The following NRP2 variants were observed in gnomAD, a reference collection of about 807,000 sequenced individuals.
The protein encoded by NRP2 is neuropilin 2, also known as neuropilin-2.
NRP2 carries 52 observed loss-of-function variants against 110.4 expected under a neutral mutation model. That is an observed-to-expected ratio of 0.47 (90% CI 0.38 to 0.59). NRP2 has a LOEUF of 0.59. Among genes scored for constraint, NRP2 ranks in the 20% least tolerant of loss-of-function variants. NRP2 has a pLI of 0.00. For missense variants in NRP2, 1,049 were observed against 1,203.0 expected, an observed-to-expected ratio of 0.87 and a Z score of 1.89; for synonymous variants, 508 against 468.9, an observed-to-expected ratio of 1.08 and a Z score of -1.08.
At chr2:205,742,349 G>A (rs927545385) in intron 8 of NRP2, among the ~76,000 whole-genome samples, 14 of 152,190 alleles carry the variant, frequency 9.2e-5, no homozygotes, top group African/African-American at 3.1e-4. Context: ...TGGGGTCTCT[G>A]ACATCGTAGA....
At chr2:205,694,618 TCC>T (rs1394022848) in intron 1 of NRP2, among the ~76,000 whole-genome samples, 2 of 152,218 alleles carry the variant, frequency 1.3e-5, no homozygotes, top group African/African-American at 2.4e-5. Context: ...AGTTCAACTC[TCC>T]TTTGGCTTAG....
At chr2:205,706,068 C>T (rs2056668625) in intron 2 of NRP2, among the ~76,000 whole-genome samples, 2 of 151,910 alleles carry the variant, frequency 1.3e-5, no homozygotes, top group African/African-American at 4.8e-5. Flanking sequence ...CTCCCCCAAT[C>T]CCCCCACAGC....
chr2:205,724,504 G>C (rs1415814471), intron 5 of NRP2, among the ~76,000 whole-genome samples: 2 of 152,092 alleles, frequency 1.3e-5, no homozygotes, highest in Admixed American at 6.6e-5. Context: ...TATGTGCCAG[G>C]CACCAAGCAA....
In NRP2 at chr2:205,683,454, G is replaced by A. The variant is rs930928175; in HGVS notation, c.73+91G>A. The A allele has an allele frequency of 5.7e-6, 5 of 871,112 alleles. No homozygotes were observed. In the Admixed American group the frequency reaches 7.6e-5, roughly 13 times the overall value. The allele number at this position is 871,112 out of a possible 1,614,324, so 54.0% of individuals were successfully genotyped here. A position where few individuals can be genotyped will look rare whatever the true frequency, so the allele number is the denominator to read the frequency against. On this transcript the variant is annotated intron_variant, in intron 1 of 16. Transcript: ENST00000357785. ...CAGGAAGGCCACGCAGAACGGCACA[G>A]AAGAAGGCTCCCTCAGTACTCAATA...
At chr2:205,712,762 G>A (rs2056822622) in intron 2 of NRP2, among the ~76,000 whole-genome samples, 1 of 152,158 alleles carries the variant, frequency 6.6e-6, no homozygotes, top group Non-Finnish European at 1.5e-5. Flanking sequence ...TTGTCCACAG[G>A]GCAGAACCAG....
chr2:205,790,685 G>C (rs1215580117), intron 15 of NRP2, among the ~76,000 whole-genome samples: 3 of 151,666 alleles, frequency 2.0e-5, no homozygotes, highest in Admixed American at 2.0e-4. Context: ...AACCCTGTGG[G>C]TTGACTTTCA....
rs141532341 is a variant in NRP2, at chr2:205,734,215, G to GCACA, written c.1146+6184_1146+6187dup. ...ATATATCTATGTAAAGTATACACGT[G>GCACA]CACACACACACACACACATGCCTCT... On this transcript the variant is annotated intron_variant, in intron 7 of 16. Coordinates refer to ENST00000357785, the MANE Select transcript of NRP2 (RefSeq NM_003872.3). Among the ~76,000 whole-genome samples, 9 of 149,302 alleles carry GCACA rather than the reference G, an allele frequency of 6.0e-5. 1 individual carries two copies. The highest frequency in any genetic ancestry group is 9.8e-5 in the African/African-American group (4 of 40,770).
intron 13 of NRP2, chr2:205,764,332 T>C (rs1051509873): frequency 1.9e-5 from 4 of 207,898 alleles, no homozygotes; most frequent in Non-Finnish European, 3.9e-5. Context: ...CCCAGACCTG[T>C]CCCAGGCAGC....
At chr2:205,738,278 T>C (rs1575607447) in intron 7 of NRP2, among the ~76,000 whole-genome samples, 1 of 152,012 alleles carries the variant, frequency 6.6e-6, no homozygotes, top group Non-Finnish European at 1.5e-5. Context: ...ACACACACAG[T>C]CCCCATCACC....
At chr2:205,741,964 T>C (rs2057449270) in intron 8 of NRP2, among the ~76,000 whole-genome samples, 1 of 152,216 alleles carries the variant, frequency 6.6e-6, no homozygotes, top group Non-Finnish European at 1.5e-5. Flanking sequence ...TTTTCTCAAT[T>C]CAAATTCTCT....
chr2:205,735,817 A>G (rs6726399), intron 7 of NRP2, among the ~76,000 whole-genome samples: 13,821 of 152,202 alleles, frequency 0.091, 1,423 homozygotes, highest in African/African-American at 0.25. Flanking sequence ...GGCACCCAAT[A>G]GATTATCCAG....
intron 12 of NRP2, among the ~76,000 whole-genome samples, chr2:205,762,826 G>T (rs1238034024): frequency 6.6e-6 from 1 of 152,298 alleles, no homozygotes; most frequent in Middle Eastern, 3.4e-3. Flanking sequence ...CAAGAACTCG[G>T]TCTTCCACAT....
Position 205,743,312 on chromosome 2 carries a change from G to C in NRP2, c.1401G>C (p.Leu467=), listed in dbSNP as rs2057476503. The C allele has an allele frequency of 1.2e-6, 2 of 1,614,050 alleles. No homozygotes were observed. Among genetic ancestry groups the C allele is most frequent in the South Asian group, 2.2e-5 (2 of 91,082 alleles). ...TCTGGAGCCCCAGTGCAGCCCGCCTGGTTAGCAGCCGCTCGGGCTGGTTCC... is the reference window on the plus strand; with the variant it reads ...TCTGGAGCCCCAGTGCAGCCCGCCTCGTTAGCAGCCGCTCGGGCTGGTTCC... ...EYLWSPSAAR[L]VSSRSGWFPR... The change falls in exon 9 of 17, where the codon CTG becomes CTC. Residue 467 remains leucine (L), a synonymous_variant. Transcript: ENST00000357785.
chr2:205,684,680 T>C (rs1321672444), intron 1 of NRP2, among the ~76,000 whole-genome samples: 1 of 152,230 alleles, frequency 6.6e-6, no homozygotes, highest in Non-Finnish European at 1.5e-5. Flanking sequence ...TTGCCATAAG[T>C]GGTCTTCAGG....
chr2:205,772,215 G>C (rs572742608), intron 15 of NRP2, among the ~76,000 whole-genome samples: 1 of 152,350 alleles, frequency 6.6e-6, no homozygotes, highest in East Asian at 1.9e-4. Context: ...TGTGAAGCCC[G>C]TAGACCAATG....
At chr2:205,740,917 T>A (rs2057428474) in intron 8 of NRP2, among the ~76,000 whole-genome samples, 1 of 152,220 alleles carries the variant, frequency 6.6e-6, no homozygotes, top group South Asian at 2.1e-4. Context: ...GCACCTAAGA[T>A]GTAACATATT....
intron 15 of NRP2, chr2:205,776,554 C>T (rs763354546): frequency 2.6e-5 from 41 of 1,600,884 alleles, no homozygotes; most frequent in Non-Finnish European, 3.4e-5. Context: ...GCACCCAAAA[C>T]AAACGAGAAA....
chr2:205,710,435 C>T (rs1346413978), intron 2 of NRP2, among the ~76,000 whole-genome samples: 1 of 152,216 alleles, frequency 6.6e-6, no homozygotes, highest in Non-Finnish European at 1.5e-5. Context: ...GAATCAATGG[C>T]CTGGCCCATA....
chr2:205,763,484 A>G lies in NRP2; in HGVS notation c.2045-190A>G, dbSNP rs111291325. Among the ~76,000 whole-genome samples, 82 of 152,258 alleles carry G rather than the reference A, an allele frequency of 5.4e-4. No individual in the cohort carries two copies. The highest frequency in any genetic ancestry group is 1.9e-3 in the African/African-American group (81 of 41,560). On this transcript the variant is annotated intron_variant, in intron 12 of 16. Coordinates refer to ENST00000357785, the MANE Select transcript of NRP2 (RefSeq NM_003872.3). This position sits in a 1 kb window ranked among gnomAD's most constrained non-coding sequence, Gnocchi z 4.0. Reference sequence around the variant, plus strand: ...CGATTTGACTTAGAGACTCTTAAGAAAACACAGCATTTGAATCAAGGCTCT... The same window carrying G: ...CGATTTGACTTAGAGACTCTTAAGAGAACACAGCATTTGAATCAAGGCTCT...
Sources: gnomAD v4.1 joint callset for allele counts (sites outside exome capture counted in the v4.1 genomes callset) on GRCh38, gnomAD v4.1.1 for gene constraint, Gnocchi (gnomAD v3.1) non-coding constraint, MANE v1.5 for transcripts, NCBI Gene and HGNC (gene_info 2026-07-23, HGNC 2026-07-21) for gene names.